The following PPIG variants were observed in gnomAD, a reference collection of about 807,000 sequenced individuals.
The protein encoded by PPIG is peptidylprolyl isomerase G, also known as peptidyl-prolyl cis-trans isomerase G.
In PPIG, 26 loss-of-function variants were observed where a neutral mutation model predicts 87.9. That is an observed-to-expected ratio of 0.30 (90% CI 0.22 to 0.41). The LOEUF is 0.41. Ranked by LOEUF, PPIG falls within the 10% of genes least tolerant of loss-of-function variation. PPIG has a pLI of 1.00. For missense variants in PPIG, 722 were observed against 879.4 expected, an observed-to-expected ratio of 0.82 and a Z score of 2.26; for synonymous variants, 308 against 276.5, an observed-to-expected ratio of 1.11 and a Z score of -1.13.
chr2:169,640,262 T>C lies in PPIG; in HGVS notation c.*2739T>C, dbSNP rs990604267. On this transcript the variant is annotated 3_prime_UTR_variant, in exon 14 of 14. Coordinates refer to ENST00000260970, the MANE Select transcript of PPIG (RefSeq NM_004792.3). The stretch of plus-strand genomic sequence containing the variant: ...TGCCTTTGCACAAATGTGATACTGA[T>C]GCATGGACGGCTTTGCGGAATGACC... 6.6e-6 allele frequency: 1 copy of C among 152,224 alleles called. No homozygotes were observed. Among genetic ancestry groups the C allele is most frequent in the Non-Finnish European group, 1.5e-5 (1 of 68,040 alleles). 9.4% of individuals were successfully genotyped at this position (152,224 alleles called of 1,614,324 possible).
At chr2:169,586,648 CTTCT>C (rs1684713021) in intron 1 of PPIG, among the ~76,000 whole-genome samples, 1 of 152,180 alleles carries the variant, frequency 6.6e-6, no homozygotes, top group Admixed American at 6.5e-5. Context: ...GCAGCATCCT[CTTCT>C]TTATACAAAG....
intron 1 of PPIG, among the ~76,000 whole-genome samples, chr2:169,588,550 G>A (rs897188315): frequency 6.6e-6 from 1 of 152,088 alleles, no homozygotes; most frequent in Non-Finnish European, 1.5e-5. Context: ...TTTTACGTAG[G>A]AATTACTGGA....
At chr2:169,603,071 G>A (rs893870528) in intron 1 of PPIG, among the ~76,000 whole-genome samples, 13 of 152,126 alleles carry the variant, frequency 8.5e-5, no homozygotes, top group African/African-American at 3.1e-4. Context: ...GTATTCAAGG[G>A]AATGGAGGTA....
At chr2:169,590,010 G>A (rs1307192199) in intron 1 of PPIG, among the ~76,000 whole-genome samples, 36 of 152,044 alleles carry the variant, frequency 2.4e-4, no homozygotes, top group Admixed American at 2.3e-3. Flanking sequence ...TCGGGAGGCT[G>A]AGGCAGGAGA....
At chr2:169,587,249 C>CT (rs200396581) in intron 1 of PPIG, among the ~76,000 whole-genome samples, 4,160 of 137,842 alleles carry the variant, frequency 0.03, 79 homozygotes, top group East Asian at 0.11. Flanking sequence ...CTGACTTTTG[C>CT]TTTTTTTTTT....
At chr2:169,613,701 G>A (rs1429566026) in intron 7 of PPIG, among the ~76,000 whole-genome samples, 1 of 152,130 alleles carries the variant, frequency 6.6e-6, no homozygotes, top group Non-Finnish European at 1.5e-5. Flanking sequence ...GGTCAAAGTG[G>A]GAGGATCGCT....
Position 169,631,913 on chromosome 2 carries a change from G to C in PPIG, c.909G>C (p.Glu303Asp). 1.9e-6 allele frequency: 3 copies of C among 1,601,058 alleles called. No homozygotes were observed. Among genetic ancestry groups the C allele is most frequent in the Non-Finnish European group, 1.7e-6 (2 of 1,169,542 alleles). Residue 303 changes from glutamate to aspartate, a missense_variant, in exon 11 of 14, where the codon GAG becomes GAC. Physicochemically the swap from Glu to Asp is conservative, Grantham distance 45. Coordinates refer to ENST00000260970, the MANE Select transcript of PPIG (RefSeq NM_004792.3). ...KADEKERKNR[E>D]RERERECNPP... is the part of the protein sequence containing the mutation. Reference sequence around the variant, plus strand: ...ATGAGAAGGAAAGGAAAAACAGAGAGAGAGAAAGGGAAAGAGAGTGGTATG... The same window carrying C: ...ATGAGAAGGAAAGGAAAAACAGAGACAGAGAAAGGGAAAGAGAGTGGTATG...
At chr2:169,601,538 C>A (rs898502737) in intron 1 of PPIG, among the ~76,000 whole-genome samples, 5 of 152,146 alleles carry the variant, frequency 3.3e-5, no homozygotes, top group South Asian at 2.1e-4. Context: ...TAGGAATGGG[C>A]CTCTATAAGA....
At chr2:169,603,980 CTTTGCTA>C in intron 2 of PPIG, 39 bp from the exon 3 acceptor site, 1 of 1,436,182 alleles carries the variant, frequency 7.0e-7, no homozygotes, top group Non-Finnish European at 9.6e-7. Flanking sequence ...TGTGAAAGAT[CTTTGCTA>C]TTTTAGTCTG....
At chr2:169,618,007 A>G (rs1343266750) in intron 9 of PPIG, among the ~76,000 whole-genome samples, 1 of 152,062 alleles carries the variant, frequency 6.6e-6, no homozygotes, top group Non-Finnish European at 1.5e-5. Context: ...AATAGTTCTT[A>G]TTATTTTGAG....
rs561701998 is a variant in PPIG, at chr2:169,595,907, G to A, written c.-69-7735G>A. ...CAAGCTCTGCCTCCCGGGTTCAAGC[G>A]ATTCTCCTGCCTCAGCCTTCCCGAG... On this transcript the variant is annotated intron_variant, in intron 1 of 13. Coordinates refer to ENST00000260970, the MANE Select transcript of PPIG (RefSeq NM_004792.3). 1.3e-3 allele frequency among the ~76,000 whole-genome samples: 196 copies of A among 148,528 alleles called. 1 individual carries two copies. Among genetic ancestry groups the A allele is most frequent in the Admixed American group, 4.6e-3 (68 of 14,880 alleles).
intron 1 of PPIG, among the ~76,000 whole-genome samples, chr2:169,591,065 G>A (rs559578367): frequency 2.0e-4 from 31 of 152,286 alleles, no homozygotes; most frequent in African/African-American, 7.0e-4. Flanking sequence ...GTGCTATGCT[G>A]ACTTCCTCAT....
intron 12 of PPIG, among the ~76,000 whole-genome samples, chr2:169,633,946 G>C (rs1265532845): frequency 2.0e-5 from 3 of 151,036 alleles, no homozygotes; most frequent in Non-Finnish European, 4.4e-5. Flanking sequence ...TCCTGCCTCA[G>C]CTCCCCCTAG....
intron 10 of PPIG, chr2:169,631,328 C>A: frequency 3.4e-6 from 1 of 290,886 alleles, no homozygotes. Flanking sequence ...TTTGCTCTTA[C>A]GATAGCATAA....
chr2:169,605,508 A>T (rs1231778905), intron 4 of PPIG, among the ~76,000 whole-genome samples: 1 of 150,908 alleles, frequency 6.6e-6, no homozygotes, highest in African/African-American at 2.5e-5. Flanking sequence ...TGTCTCAATT[A>T]AAAAAATAGA....
intron 9 of PPIG, among the ~76,000 whole-genome samples, chr2:169,626,391 C>CT (rs1553467614): frequency 1.3e-5 from 2 of 151,942 alleles, no homozygotes; most frequent in Non-Finnish European, 2.9e-5. Context: ...AAGAGAGGAA[C>CT]TTTTTATTTT....
chr2:169,621,440 C>A (rs944293864), intron 9 of PPIG, among the ~76,000 whole-genome samples: 1 of 152,102 alleles, frequency 6.6e-6, no homozygotes, highest in African/African-American at 2.4e-5. Context: ...GTACATGAGA[C>A]TGGCTATCCT....
intron 7 of PPIG, among the ~76,000 whole-genome samples, chr2:169,609,521 T>C (rs1034559973): frequency 2.0e-5 from 3 of 152,192 alleles, no homozygotes; most frequent in African/African-American, 7.2e-5. Flanking sequence ...ATTGTTCTGC[T>C]AATGTTTTGA....
chr2:169,634,541 A>G (rs1000490538), intron 12 of PPIG, among the ~76,000 whole-genome samples: 2 of 152,116 alleles, frequency 1.3e-5, no homozygotes, highest in African/African-American at 4.8e-5. Flanking sequence ...GGCTTTTACA[A>G]AGTTGAGCAC....
Sources: allele counts gnomAD v4.1 joint callset (sites outside exome capture counted in the v4.1 genomes callset), GRCh38; gene constraint gnomAD v4.1.1; transcripts MANE v1.5; gene names NCBI Gene and HGNC (gene_info 2026-07-23, HGNC 2026-07-21).